LPIN2: variants seen among roughly 807,000 people sequenced by gnomAD.
LPIN2 encodes the protein phosphatidate phosphatase LPIN2.
Under a neutral mutation model 111.4 loss-of-function variants are expected in LPIN2, and 55 were observed. The ratio of observed to expected loss-of-function variants is 0.49; its 90% CI spans 0.40 to 0.62. The LOEUF is 0.62. Ranked by LOEUF, LPIN2 falls within the 20% of genes least tolerant of loss-of-function variation. The pLI, the probability that LPIN2 is intolerant of heterozygous loss-of-function variation, is 0.00. For missense variants in LPIN2, 992 were observed against 1,112.1 expected (o/e 0.89, Z 1.54); for synonymous variants, 425 against 414.0 (o/e 1.03, Z -0.32).
intron 2 of LPIN2, among the ~76,000 whole-genome samples, 185 bp from the exon 3 acceptor site, chr18:2,954,784 G>A (rs2077584466): frequency 6.6e-6 from 1 of 152,128 alleles, no homozygotes; most frequent in Admixed American, 6.5e-5. Context: ...GCTGGCAGAG[G>A]GAGAGATGGA....
chr18:2,935,907 G>A (rs1371421590), intron 7 of LPIN2, among the ~76,000 whole-genome samples: 1 of 152,204 alleles, frequency 6.6e-6, no homozygotes, highest in Non-Finnish European at 1.5e-5. Flanking sequence ...CAGGGTTCCT[G>A]TCTCTAGTCA....
chr18:2,943,901 G>T (rs1329435286), intron 4 of LPIN2, among the ~76,000 whole-genome samples: 1 of 152,072 alleles, frequency 6.6e-6, no homozygotes, highest in Non-Finnish European at 1.5e-5. Context: ...GTAGTAGAAT[G>T]ATATATATGC....
chr18:2,955,903 G>T (rs189624089), intron 2 of LPIN2, among the ~76,000 whole-genome samples: 2 of 152,102 alleles, frequency 1.3e-5, no homozygotes, highest in African/African-American at 4.8e-5. Context: ...CAACAAAAGC[G>T]AAACTCTCTC....
At chr18:3,005,734 TAAC>T (rs1316867888) in intron 1 of LPIN2, among the ~76,000 whole-genome samples, 5 of 150,182 alleles carry the variant, frequency 3.3e-5, no homozygotes, top group Admixed American at 2.0e-4. Context: ...CTAATAAACG[TAAC>T]AACAACGGCC....
intron 6 of LPIN2, 129 bp from the exon 7 acceptor site, chr18:2,938,166 T>C (rs1002716597): frequency 5.6e-6 from 4 of 714,746 alleles, no homozygotes; most frequent in East Asian, 2.7e-5. Flanking sequence ...AGTTTGTACA[T>C]GTAAAAATTC....
At chr18:2,998,194 C>G (rs2078374393) in intron 1 of LPIN2, among the ~76,000 whole-genome samples, 2 of 152,238 alleles carry the variant, frequency 1.3e-5, no homozygotes, top group Admixed American at 6.5e-5. Context: ...AAGGCTGTGG[C>G]CATACCAACA....
intron 1 of LPIN2, among the ~76,000 whole-genome samples, chr18:2,970,509 A>G (rs1246778487): frequency 6.6e-6 from 1 of 152,250 alleles, no homozygotes; most frequent in East Asian, 1.9e-4. Flanking sequence ...CCCTCTTGGC[A>G]TCTCTCTGAA....
chr18:2,979,684 TA>T (rs1294388812), intron 1 of LPIN2, among the ~76,000 whole-genome samples: 1 of 152,126 alleles, frequency 6.6e-6, no homozygotes, highest in African/African-American at 2.4e-5. Flanking sequence ...TAAAAATGAA[TA>T]ATAAATAATT....
At chr18:2,952,496 G>T (rs1339356623) in intron 3 of LPIN2, among the ~76,000 whole-genome samples, 1 of 152,168 alleles carries the variant, frequency 6.6e-6, no homozygotes, top group Non-Finnish European at 1.5e-5. Flanking sequence ...TTCTGAAAAT[G>T]TATAGGTTTC....
rs138060511 is a variant in LPIN2, at chr18:2,998,654, T to G, written c.-10+14433A>C. ...CACTTTTAAGGAAAGAAAAGCGTTGTAGAGCCCAGAACAGGAAAATACATG... is the reference window on the plus strand; with the variant it reads ...CACTTTTAAGGAAAGAAAAGCGTTGGAGAGCCCAGAACAGGAAAATACATG... On this transcript the variant is annotated intron_variant, in intron 1 of 19. Coordinates refer to ENST00000677752, the MANE Select transcript of LPIN2 (RefSeq NM_001375808.2). Among the ~76,000 whole-genome samples, 19 of 149,432 alleles carry G rather than the reference T, an allele frequency of 1.3e-4. No homozygotes were observed. In the East Asian group the frequency reaches 3.8e-3, roughly 30 times the overall value.
At chr18:2,992,974 CAAAAAA>C (rs59159362) in intron 1 of LPIN2, among the ~76,000 whole-genome samples, 1 of 97,362 alleles carries the variant, frequency 1.0e-5, no homozygotes. Context: ...AGACCCGTCT[CAAAAAA>C]AAAAAAAAAA....
intron 2 of LPIN2, among the ~76,000 whole-genome samples, chr18:2,956,515 A>C (rs1474482416): frequency 6.6e-6 from 1 of 152,224 alleles, no homozygotes; most frequent in African/African-American, 2.4e-5. Context: ...TGAGGCAGGG[A>C]AAGTAGCTTC....
chr18:2,997,044 T>G (rs3016595), intron 1 of LPIN2, among the ~76,000 whole-genome samples: 2 of 151,728 alleles, frequency 1.3e-5, no homozygotes, highest in African/African-American at 4.9e-5. Flanking sequence ...TGCGGTGGCG[T>G]GATCTCGGCT....
At chr18:3,000,329 CAAAT>C (rs1308645819) in intron 1 of LPIN2, among the ~76,000 whole-genome samples, 1 of 151,956 alleles carries the variant, frequency 6.6e-6, no homozygotes, top group Non-Finnish European at 1.5e-5. Flanking sequence ...TGGATATTAT[CAAAT>C]AAATCATACA....
intron 4 of LPIN2, among the ~76,000 whole-genome samples, chr18:2,943,287 A>G (rs1227907366): frequency 2.0e-5 from 3 of 152,158 alleles, no homozygotes; most frequent in Non-Finnish European, 4.4e-5. Flanking sequence ...ATGCTACCTA[A>G]CGGTAACTGT....
intron 1 of LPIN2, chr18:2,977,323 T>C (rs189222248): frequency 7.9e-5 from 12 of 152,210 alleles, no homozygotes; most frequent in Non-Finnish European, 7.4e-5. Context: ...GGTTTTAAAG[T>C]ACATACACAG....
chr18:2,952,872 A>G lies in LPIN2; in HGVS notation c.289-1516T>C, dbSNP rs547650121. Among the ~76,000 whole-genome samples, 27 of 152,364 alleles carry G rather than the reference A, an allele frequency of 1.8e-4. No individual in the cohort carries two copies. In the South Asian group the frequency reaches 5.4e-3, roughly 30 times the overall value. On this transcript the variant is annotated intron_variant, in intron 3 of 19. Transcript: ENST00000677752. Reference sequence around the variant, plus strand: ...CTATGGAATACTGTGCAGCTATTAAAAGCACAGAGTTAGGTTTAGAACTAG... The same window carrying G: ...CTATGGAATACTGTGCAGCTATTAAGAGCACAGAGTTAGGTTTAGAACTAG...
intron 1 of LPIN2, among the ~76,000 whole-genome samples, chr18:2,975,989 G>C (rs560775340): frequency 6.6e-6 from 1 of 152,224 alleles, no homozygotes; most frequent in South Asian, 2.1e-4. Flanking sequence ...CACTGACCTA[G>C]AAGTCAGGAA....
intron 1 of LPIN2, among the ~76,000 whole-genome samples, chr18:2,977,410 G>C (rs2078038506): frequency 6.6e-6 from 1 of 152,152 alleles, no homozygotes; most frequent in Admixed American, 6.5e-5. Context: ...TCTCTGTTAA[G>C]AGGACCTAGA....
Sources: gnomAD v4.1 joint callset for allele counts (sites outside exome capture counted in the v4.1 genomes callset) on GRCh38, gnomAD v4.1.1 for gene constraint, MANE v1.5 for transcripts, NCBI Gene and HGNC (gene_info 2026-07-23, HGNC 2026-07-21) for gene names.